The following DNAH3 variants were observed in gnomAD, a reference collection of about 807,000 sequenced individuals.
The protein encoded by DNAH3 is axonemal beta dynein heavy chain 3.
In DNAH3, 332 loss-of-function variants were observed where a neutral mutation model predicts 432.5. The ratio of observed to expected loss-of-function variants is 0.77; its 90% CI spans 0.70 to 0.84. The LOEUF (loss-of-function observed/expected upper bound fraction) is 0.84. DNAH3 is among the 40% of genes least tolerant of loss of function. DNAH3 has a pLI of 0.00. For missense variants in DNAH3, 4,861 were observed against 5,114.0 expected, an observed-to-expected ratio of 0.95 and a Z score of 1.51; for synonymous variants, 1,956 against 1,900.2, an observed-to-expected ratio of 1.03 and a Z score of -0.76.
chr16:21,016,715 T>C (rs535680470), intron 41 of DNAH3, among the ~76,000 whole-genome samples: 6 of 152,338 alleles, frequency 3.9e-5, no homozygotes, highest in African/African-American at 1.4e-4. Flanking sequence ...CCCATGTTCA[T>C]AGCAGCTTTA....
At chr16:21,022,061 C>T in exon 40 of DNAH3, 1 of 1,614,028 alleles carries the variant, frequency 6.2e-7, no homozygotes, top group Non-Finnish European at 8.5e-7. Context: ...CGACCAAATT[C>T]CAGGCAGGGC....
chr16:21,065,955 T>C (rs143506724), intron 24 of DNAH3, among the ~76,000 whole-genome samples: 1,675 of 152,130 alleles, frequency 0.011, 17 homozygotes, highest in Non-Finnish European at 0.015. Flanking sequence ...GCCTCCCAAG[T>C]AGCTGGGATT....
intron 50 of DNAH3, 106 bp from the exon 51 acceptor site, chr16:20,975,521 A>G (rs1414058755): frequency 3.7e-6 from 4 of 1,095,030 alleles, no homozygotes; most frequent in Non-Finnish European, 5.3e-6. Flanking sequence ...GAAAATATGT[A>G]CTAATGATTT....
At chr16:21,021,924 G>A in intron 40 of DNAH3, 47 bp downstream of exon 40, 1 of 1,605,648 alleles carries the variant, frequency 6.2e-7, no homozygotes, top group East Asian at 2.2e-5. Flanking sequence ...AAATAGCCAA[G>A]GTAGACCCAC....
chr16:21,030,573 T>C (rs936296270), intron 37 of DNAH3, among the ~76,000 whole-genome samples: 19 of 152,292 alleles, frequency 1.2e-4, no homozygotes, highest in Admixed American at 9.8e-4. Flanking sequence ...CACAAAATCA[T>C]GAGGAAAAGA....
In DNAH3 at chr16:21,144,149, C is replaced by G. The variant is rs2152831227; in HGVS notation, c.448+1032G>C. On this transcript the variant is annotated intron_variant, in intron 3 of 61. Transcript: ENST00000261383. The stretch of plus-strand genomic sequence containing the variant: ...TACAAGGTGCTGTGGTAAGCAGCTT[C>G]CAAGACAGCCCCCAATGATCCCCAT... 1.3e-5 allele frequency among the ~76,000 whole-genome samples: 2 copies of G among 152,244 alleles called. 1 individual carries two copies. Among genetic ancestry groups the G allele is most frequent in the South Asian group, 4.1e-4 (2 of 4,822 alleles).
At chr16:20,989,671 G>C (rs2086441330) in intron 44 of DNAH3, among the ~76,000 whole-genome samples, 1 of 152,258 alleles carries the variant, frequency 6.6e-6, no homozygotes, top group Non-Finnish European at 1.5e-5. Context: ...TGGTCGATGG[G>C]ACTGGGCGCC....
exon 48 of DNAH3, chr16:20,985,636 G>A: frequency 6.2e-7 from 1 of 1,614,128 alleles, no homozygotes; most frequent in Non-Finnish European, 8.5e-7. Context: ...GTCACTTTCT[G>A]GCTTGAAATA....
At position 21,131,872 on chromosome 16, in the gene DNAH3, AAG is replaced by A. The variant is rs1491076010; in HGVS notation, c.1082+2385_1082+2386del. 3.1e-4 allele frequency among the ~76,000 whole-genome samples: 45 copies of A among 147,324 alleles called. 1 individual carries two copies. The East Asian group carries it at 5.0e-3, about 16-fold the overall frequency. ...TCCATCTCAAAAAAAAAAAAAAAAAAAGGGGGAGAGAAAGAAAGGAAGAGAGA... is the reference window on the plus strand; with the variant it reads ...TCCATCTCAAAAAAAAAAAAAAAAAAGGGGAGAGAAAGAAAGGAAGAGAGA... On this transcript the variant is annotated intron_variant, in intron 7 of 61. Transcript: ENST00000261383.
intron 26 of DNAH3, 138 bp downstream of exon 26, chr16:21,060,126 G>T: frequency 1.5e-6 from 1 of 680,990 alleles, no homozygotes; most frequent in Non-Finnish European, 2.6e-6. Flanking sequence ...GTTCACAAGT[G>T]AAGGAAAGAG....
chr16:21,003,063 T>G (rs2087108445), intron 42 of DNAH3, 41 bp downstream of exon 42: 1 of 1,320,844 alleles, frequency 7.6e-7, no homozygotes, highest in South Asian at 1.2e-5. Flanking sequence ...TTTGGATGAT[T>G]CTGGAAACCA....
At chr16:21,049,475 G>C (rs746314204) in intron 31 of DNAH3, 94 bp downstream of exon 31, 19 of 927,944 alleles carry the variant, frequency 2.0e-5, no homozygotes, top group Non-Finnish European at 2.7e-5. Flanking sequence ...TGCCATACAA[G>C]AGATATAAGG....
At position 20,959,499 on chromosome 16, in the gene DNAH3, G is replaced by A. The variant is rs373928895; in HGVS notation, c.10601-95C>T. On this transcript the variant is annotated intron_variant, in intron 53 of 61. Coordinates refer to ENST00000261383, the Ensembl canonical transcript of DNAH3. The stretch of plus-strand genomic sequence containing the variant: ...AACAATAACAACATGGCTGGGTGTG[G>A]TGGCTCACACCTGTAATCCCAACAC... 7.6e-4 allele frequency: 970 copies of A among 1,270,798 alleles called. 16 individuals are homozygous for A. The South Asian group carries it at 0.012, about 16-fold the overall frequency. The allele number at this position is 1,270,798 out of a possible 1,614,324, so 78.7% of individuals were successfully genotyped here. A position where few individuals can be genotyped will look rare whatever the true frequency, so the allele number is the denominator to read the frequency against.
rs769883766 is a variant in DNAH3, at chr16:20,979,440, C to A, written c.7966G>T (p.Glu2656Ter). Reference sequence around the variant, plus strand: ...AGCGTCTTGAAGGTTAGAATCAATTCAAGGTAGGAGGTGGGGGTAACATAG... The same window carrying A: ...AGCGTCTTGAAGGTTAGAATCAATTAAAGGTAGGAGGTGGGGGTAACATAG... Residue 2656 changes from glutamate to a stop codon, truncating the protein, a stop_gained, in exon 50 of 62, where the codon GAA (glutamate) becomes TAA (stop). Transcript: ENST00000261383. LOFTEE classifies it high-confidence loss of function. 6.2e-7 allele frequency: 1 copy of A among 1,614,094 alleles called. No homozygotes were observed. Among genetic ancestry groups the A allele is most frequent in the Non-Finnish European group, 8.5e-7 (1 of 1,180,016 alleles).
At position 21,040,358 on chromosome 16, in the gene DNAH3, A is replaced by ATCT. The variant is rs771791969; in HGVS notation, c.4639-416_4639-415insAGA. On this transcript the variant is annotated intron_variant, in intron 32 of 61. Transcript: ENST00000261383. ...TCAGAAGAATCCCAAAGCCAGACAG[A>ATCT]TTTTTTTTTTTTTTTTTTTTTTTTT... Among the ~76,000 whole-genome samples the ATCT allele has an allele frequency of 6.8e-4, 54 of 79,746 alleles. 10 individuals carry two copies. The highest frequency in any genetic ancestry group is 2.5e-3 in the African/African-American group (45 of 17,762). The allele number at this position is 79,746 out of a possible 152,430, so 52.3% of individuals were successfully genotyped here. A position where few individuals can be genotyped will look rare whatever the true frequency, so the allele number is the denominator to read the frequency against.
At chr16:20,933,279 T>G in exon 62 of DNAH3, 1 of 1,614,212 alleles carries the variant, frequency 6.2e-7, no homozygotes, top group African/African-American at 1.3e-5. Flanking sequence ...AGGGTTCCTC[T>G]GCGGGCACTT....
intron 44 of DNAH3, 136 bp from the exon 45 acceptor site, chr16:20,988,201 T>A: frequency 1.0e-6 from 1 of 962,244 alleles, no homozygotes; most frequent in South Asian, 1.7e-5. Flanking sequence ...TATGGCAACC[T>A]CTAGCCACCT....
At chr16:21,073,178 T>G (rs2090855095) in intron 21 of DNAH3, among the ~76,000 whole-genome samples, 1 of 152,186 alleles carries the variant, frequency 6.6e-6, no homozygotes. Flanking sequence ...GGGCCTAGCA[T>G]GTATTCTCTT....
intron 53 of DNAH3, among the ~76,000 whole-genome samples, chr16:20,962,898 A>G (rs2084888842): frequency 6.6e-6 from 1 of 152,176 alleles, no homozygotes; most frequent in South Asian, 2.1e-4. Flanking sequence ...GGCTCAAGCA[A>G]TCCTCCCAAC....
Sources: gnomAD v4.1 joint callset for allele counts (sites outside exome capture counted in the v4.1 genomes callset) on GRCh38, gnomAD v4.1.1 for gene constraint, MANE v1.5 for transcripts, NCBI Gene and HGNC (gene_info 2026-07-23, HGNC 2026-07-21) for gene names.